The following DEPDC5 variants were observed in gnomAD, a reference collection of about 807,000 sequenced individuals.
DEPDC5 encodes GATOR1 complex protein DEPDC5.
In DEPDC5, 73 loss-of-function variants were observed where a neutral mutation model predicts 217.3. The observed-to-expected ratio is 0.34, with a 90% CI of 0.28 to 0.41. DEPDC5 has a LOEUF of 0.41. Ranked by LOEUF, DEPDC5 falls within the 10% of genes least tolerant of loss-of-function variation. The probability of loss-of-function intolerance (pLI) is 1.00; values close to 1 mark genes in which losing one functional copy is unlikely to be tolerated. For synonymous variants in DEPDC5, 733 were observed against 756.7 expected, an observed-to-expected ratio of 0.97 and a Z score of 0.51; for missense variants, 1,675 against 2,070.1, an observed-to-expected ratio of 0.81 and a Z score of 3.70.
At chr22:31,782,205 T>G (rs1456949563) in intron 8 of DEPDC5, among the ~76,000 whole-genome samples, 2 of 151,826 alleles carry the variant, frequency 1.3e-5, no homozygotes, top group African/African-American at 4.8e-5. Flanking sequence ...TGGTATGATC[T>G]TGGCTCACTG....
intron 33 of DEPDC5, among the ~76,000 whole-genome samples, chr22:31,869,458 G>A (rs970853378): frequency 1.3e-5 from 2 of 151,054 alleles, no homozygotes; most frequent in African/African-American, 4.9e-5. Context: ...CCTGCTACTT[G>A]AGAGTCTGAG....
chr22:31,871,185 AC>A (rs1338981197), intron 34 of DEPDC5, among the ~76,000 whole-genome samples: 1 of 152,208 alleles, frequency 6.6e-6, no homozygotes, highest in Non-Finnish European at 1.5e-5. Context: ...AGCTGTGTGT[AC>A]TTCATTTGCT....
chr22:31,896,523 CT>C (rs71755369), intron 39 of DEPDC5, among the ~76,000 whole-genome samples: 22,705 of 146,006 alleles, frequency 0.16, 1,892 homozygotes, highest in African/African-American at 0.23. Flanking sequence ...ATCGATCAAC[CT>C]TTTTTTTTTT....
intron 24 of DEPDC5, among the ~76,000 whole-genome samples, chr22:31,830,632 T>TAC (rs750342674): frequency 1.4e-5 from 1 of 69,946 alleles, no homozygotes; most frequent in Non-Finnish European, 2.8e-5. Context: ...TGCGTGTACG[T>TAC]GTGTGTGTGT....
chr22:31,757,765 TATTTA>T (rs945562624), intron 2 of DEPDC5, among the ~76,000 whole-genome samples: 6 of 152,090 alleles, frequency 3.9e-5, no homozygotes, highest in African/African-American at 1.2e-4. Context: ...CCTCTTATTT[TATTTA>T]TTTATTTTTT....
At position 31,876,188 on chromosome 22, in the gene DEPDC5, C is replaced by A; in HGVS notation, c.3728C>A (p.Ala1243Glu). The A allele has an allele frequency of 6.2e-7, 1 of 1,614,138 alleles. No individual in the cohort carries two copies. The highest frequency in any genetic ancestry group is 8.5e-7 in the Non-Finnish European group (1 of 1,180,014). ...CTGGAAGAGCAGCTCATCACACATGCATCTGGCGAAGCCTGGCGGACCTTC... is the reference window on the plus strand; with the variant it reads ...CTGGAAGAGCAGCTCATCACACATGAATCTGGCGAAGCCTGGCGGACCTTC... ...KMLEEQLITH[A>E]SGEAWRTFIY... The change falls in exon 37 of 43, where the codon GCA becomes GAA. Residue 1243 changes from alanine to glutamate, a missense_variant. Physicochemically the swap from Ala to Glu is moderately radical, Grantham distance 107. Coordinates refer to ENST00000651528, the MANE Select transcript of DEPDC5 (RefSeq NM_001242896.3).
intron 41 of DEPDC5, among the ~76,000 whole-genome samples, chr22:31,904,018 G>A (rs35610492): frequency 6.6e-6 from 1 of 152,084 alleles, no homozygotes; most frequent in Non-Finnish European, 1.5e-5. Flanking sequence ...CCACCCATAA[G>A]GTCCATCTCA....
intron 6 of DEPDC5, among the ~76,000 whole-genome samples, chr22:31,767,964 C>A (rs2082969095): frequency 6.6e-6 from 1 of 151,168 alleles, no homozygotes; most frequent in Non-Finnish European, 1.5e-5. Context: ...CCAGGATGGT[C>A]TCGATCTCCT....
chr22:31,804,152 C>G lies in DEPDC5; in HGVS notation c.1082-10C>G. 6.2e-7 allele frequency: 1 copy of G among 1,613,776 alleles called. No individual in the cohort carries two copies. Among genetic ancestry groups the G allele is most frequent in the South Asian group, 1.1e-5 (1 of 91,040 alleles). On this transcript the variant is annotated splice_polypyrimidine_tract_variant and intron_variant, in intron 15 of 42. Transcript: ENST00000651528. ...CTCCCCACAATTCTTTTTGTCTTTT[C>G]TTTTTTTAGGAATTGGTGTGGATTT...
At chr22:31,767,887 A>C (rs2082959406) in intron 6 of DEPDC5, among the ~76,000 whole-genome samples, 1 of 151,522 alleles carries the variant, frequency 6.6e-6, no homozygotes, top group South Asian at 2.1e-4. Context: ...CTGGGATTAC[A>C]GGCGCCCGCC....
chr22:31,765,785 G>C (rs2082759982), intron 5 of DEPDC5, among the ~76,000 whole-genome samples: 1 of 152,088 alleles, frequency 6.6e-6, no homozygotes, highest in South Asian at 2.1e-4. Context: ...CACTTTGGGA[G>C]GCCAAGGCAG....
intron 24 of DEPDC5, among the ~76,000 whole-genome samples, chr22:31,824,471 G>T (rs1008529867): frequency 9.2e-5 from 14 of 152,206 alleles, no homozygotes; most frequent in African/African-American, 3.1e-4. Flanking sequence ...CTAAGGCTAG[G>T]AATCTGGGTT....
At chr22:31,859,540 C>T (rs1436688595) in intron 32 of DEPDC5, among the ~76,000 whole-genome samples, 1 of 151,846 alleles carries the variant, frequency 6.6e-6, no homozygotes, top group African/African-American at 2.4e-5. Flanking sequence ...TACAGGCGTG[C>T]ACCACCATGG....
Position 31,845,219 on chromosome 22 carries a change from C to T in DEPDC5, c.3003C>T (p.Arg1001=). The part of the protein sequence containing the change: ...EGLNRIRRRH[R]SDRMMRKGTA... ...TGAATCGCATTCGCAGGCGGCATCG[C>T]TCGGATCGCATGATGCGGGTAAGGG... is the stretch of plus-strand genomic sequence containing the variant. The change falls in exon 30 of 43, where the codon CGC becomes CGT. Residue 1001 remains arginine, a synonymous_variant. Transcript: ENST00000651528. 1.2e-6 allele frequency: 2 copies of T among 1,614,044 alleles called. No homozygotes were observed. Among genetic ancestry groups the T allele is most frequent in the Non-Finnish European group, 8.5e-7 (1 of 1,179,972 alleles).
chr22:31,833,699 A>G, intron 24 of DEPDC5: 1 of 375,080 alleles, frequency 2.7e-6, no homozygotes, highest in Non-Finnish European at 4.9e-6. Context: ...GAATGATACC[A>G]GTAACCTCAG....
At chr22:31,805,123 C>G in intron 17 of DEPDC5, 1 of 412,160 alleles carries the variant, frequency 2.4e-6, no homozygotes, top group South Asian at 3.4e-5. Flanking sequence ...AGAATAAAAA[C>G]AAAATTTGAA....
At chr22:31,806,036 C>A in intron 17 of DEPDC5, 86 bp from the exon 18 acceptor site, 1 of 1,177,194 alleles carries the variant, frequency 8.5e-7, no homozygotes, top group Non-Finnish European at 1.2e-6. Flanking sequence ...GTCAGGAGGG[C>A]TGATCCATGC....
At position 31,760,717 on chromosome 22, in the gene DEPDC5, A is replaced by G; in HGVS notation, c.193+15A>G. Reference sequence around the variant, plus strand: ...TTTACAGAAGGGTAAGAATTATATCACTCTTCTTAGAATTTTTTATTTACT... The same window carrying G: ...TTTACAGAAGGGTAAGAATTATATCGCTCTTCTTAGAATTTTTTATTTACT... On this transcript the variant is annotated intron_variant, in intron 4 of 42. Transcript: ENST00000651528. 6.3e-7 allele frequency: 1 copy of G among 1,596,302 alleles called. No homozygotes were observed. Among genetic ancestry groups the G allele is most frequent in the Non-Finnish European group, 8.5e-7 (1 of 1,170,940 alleles).
At chr22:31,841,202 C>A (rs1170393108) in intron 27 of DEPDC5, among the ~76,000 whole-genome samples, 1 of 152,212 alleles carries the variant, frequency 6.6e-6, no homozygotes, top group Non-Finnish European at 1.5e-5. Context: ...ACCTGGGGTC[C>A]CCTGAGTAGC....
Sources: gnomAD v4.1 joint callset for allele counts (sites outside exome capture counted in the v4.1 genomes callset) on GRCh38, gnomAD v4.1.1 for gene constraint, MANE v1.5 for transcripts, NCBI Gene and HGNC (gene_info 2026-07-23, HGNC 2026-07-21) for gene names.